The following LIMK1 variants were observed in gnomAD, a reference collection of about 807,000 sequenced individuals.
The protein encoded by LIMK1 is LIM domain kinase 1, also known as LIM motif-containing protein kinase.
Under a neutral mutation model 77.6 loss-of-function variants are expected in LIMK1, and 21 were observed. That is an observed-to-expected ratio of 0.27 (90% CI 0.19 to 0.39). The LOEUF is 0.39. Ranked by LOEUF, LIMK1 falls within the 10% of genes least tolerant of loss-of-function variation. The pLI is 1.00. For synonymous variants in LIMK1, 358 were observed against 370.0 expected (o/e 0.97, Z 0.37); for missense variants, 696 against 901.6 (o/e 0.77, Z 2.92).
At position 74,107,417 on chromosome 7, in the gene LIMK1, C is replaced by T. The variant is rs529371795; in HGVS notation, c.1065+224C>T. ...AGGTCATTGAAAGGTGGCTCCTAGCCAGGCACAGTAGTTTATCCCTGTAAT... is the reference window on the plus strand; with the variant it reads ...AGGTCATTGAAAGGTGGCTCCTAGCTAGGCACAGTAGTTTATCCCTGTAAT... On this transcript the variant is annotated intron_variant, in intron 8 of 15. Transcript: ENST00000336180. Among the ~76,000 whole-genome samples the T allele has an allele frequency of 4.5e-4, 68 of 152,288 alleles. 1 individual carries two copies. In the South Asian group the frequency reaches 0.014, roughly 32 times the overall value.
intron 4 of LIMK1, 34 bp downstream of exon 4, chr7:74,097,223 G>A (rs782386508): frequency 2.9e-6 from 4 of 1,394,236 alleles, no homozygotes; most frequent in Non-Finnish European, 4.0e-6. Flanking sequence ...AGCCTAGGAG[G>A]CCCACCTGTG....
At chr7:74,086,077 G>T (rs1269934620) in intron 2 of LIMK1, among the ~76,000 whole-genome samples, 3 of 151,932 alleles carry the variant, frequency 2.0e-5, no homozygotes, top group Non-Finnish European at 4.4e-5. Flanking sequence ...ACGGAGTCTC[G>T]CTCTGTCACC....
At position 74,121,149 on chromosome 7, in the gene LIMK1, G is replaced by A. The variant is rs1799929496; in HGVS notation, c.1792G>A (p.Val598Met). ...DLDPEKRPSF[V>M]KLEHWLETLR... ...CCACCTGTCACCCAGGCCATCCTTT[G>A]TGAAGCTGGAACACTGGCTGGAGAC... The change falls in exon 16 of 16, where the codon GTG becomes ATG. Residue 598 changes from valine (V) to methionine (M), a missense_variant. Transcript: ENST00000336180. 6.2e-7 allele frequency: 1 copy of A among 1,613,458 alleles called. No individual in the cohort carries two copies.
chr7:74,112,605 A>T (rs1169462420), intron 12 of LIMK1, among the ~76,000 whole-genome samples: 1 of 152,096 alleles, frequency 6.6e-6, no homozygotes, highest in African/African-American at 2.4e-5. Flanking sequence ...ACTTGAAGCC[A>T]GGAGTTCAAG....
intron 12 of LIMK1, among the ~76,000 whole-genome samples, chr7:74,113,283 T>C (rs1223175041): frequency 6.6e-6 from 1 of 151,402 alleles, no homozygotes; most frequent in Non-Finnish European, 1.5e-5. Context: ...AAGATTGTGC[T>C]ACTCTACTCC....
rs1045449325 is a variant in LIMK1, at chr7:74,085,850, G to A, written c.152+6G>A. 13 of 1,548,638 alleles carry A rather than the reference G, an allele frequency of 8.4e-6. No homozygotes were observed. The African/African-American group carries it at 1.1e-4, about 13-fold the overall frequency. Reference sequence around the variant, plus strand: ...TGGCACGCAGACTGCTTCAGGTAGGGTGGGGTGCCCAGGGCCTGTGTTGCC... The same window carrying A: ...TGGCACGCAGACTGCTTCAGGTAGGATGGGGTGCCCAGGGCCTGTGTTGCC... On this transcript the variant is annotated splice_donor_region_variant and intron_variant, in intron 2 of 15. Coordinates refer to ENST00000336180, the MANE Select transcript of LIMK1 (RefSeq NM_002314.4).
Position 74,085,781 on chromosome 7 carries a change from A to G in LIMK1, c.89A>G (p.Gln30Arg), listed in dbSNP as rs1554693977. Residue 30 changes from glutamine to arginine, a missense_variant, in exon 2 of 16, where the codon CAG (glutamine) becomes CGG (arginine). By Grantham distance (43) the Gln-to-Arg change is conservative (BLOSUM62 1). Transcript: ENST00000336180. ...SELPVCASCG[Q>R]RIYDGQYLQA... ...TTGCCCGTGTGTGCAAGCTGCGGCC[A>G]GAGGATCTATGATGGCCAGTACCTC... 1.3e-6 allele frequency: 2 copies of G among 1,563,584 alleles called. No individual in the cohort carries two copies. Among genetic ancestry groups the G allele is most frequent in the Non-Finnish European group, 1.7e-6 (2 of 1,153,426 alleles).
intron 12 of LIMK1, 131 bp downstream of exon 12, chr7:74,112,129 G>A (rs116217334): frequency 3.9e-5 from 29 of 735,330 alleles, no homozygotes; most frequent in Non-Finnish European, 6.1e-5. Flanking sequence ...AGGTGGGGGT[G>A]GGGGGCAGCA....
intron 2 of LIMK1, among the ~76,000 whole-genome samples, chr7:74,092,162 C>G (rs1205312453): frequency 1.3e-5 from 2 of 151,880 alleles, no homozygotes; most frequent in African/African-American, 4.8e-5. Flanking sequence ...GACGGGGTTT[C>G]ACCATGTTAG....
intron 5 of LIMK1, 94 bp downstream of exon 5, chr7:74,099,332 G>C (rs961541559): frequency 2.3e-6 from 3 of 1,277,058 alleles, no homozygotes; most frequent in Non-Finnish European, 3.3e-6. Context: ...AAAATGAATG[G>C]GCGAGTGTTT....
chr7:74,116,890 A>T (rs1414774791), intron 13 of LIMK1, among the ~76,000 whole-genome samples: 7 of 147,930 alleles, frequency 4.7e-5, no homozygotes, highest in East Asian at 3.9e-4. Context: ...TTTATTTTTT[A>T]TTTTTTTTTG....
In LIMK1 at chr7:74,085,756, T is replaced by G. The variant is rs1799124069; in HGVS notation, c.64T>G (p.Leu22Val). 6.4e-7 allele frequency: 1 copy of G among 1,557,350 alleles called. No individual in the cohort carries two copies. The highest frequency in any genetic ancestry group is 2.4e-5 in the East Asian group (1 of 41,568). ...CCCTTCCCACCCTGCAGGAAGCGAG[T>G]TGCCCGTGTGTGCAAGCTGCGGCCA... ...EERMGEEGSE[L>V]PVCASCGQRI... is the part of the protein sequence containing the mutation. The change falls in exon 2 of 16, where the codon TTG becomes GTG. Residue 22 changes from leucine to valine, a missense_variant. Leu to Val is a conservative substitution (Grantham distance 32). Coordinates refer to ENST00000336180, the MANE Select transcript of LIMK1 (RefSeq NM_002314.4).
At position 74,112,058 on chromosome 7, in the gene LIMK1, C is replaced by T. The variant is rs1799710914; in HGVS notation, c.1410+60C>T. The stretch of plus-strand genomic sequence containing the variant: ...GAGACAGCAGGAGCCCATCCAACCC[C>T]AGCCTCAGGGCCTTCCCAGAACTGG... On this transcript the variant is annotated intron_variant, in intron 12 of 15. Coordinates refer to ENST00000336180, the MANE Select transcript of LIMK1 (RefSeq NM_002314.4). The T allele has an allele frequency of 2.2e-6, 3 of 1,353,432 alleles. No individual in the cohort carries two copies. In the South Asian group the frequency reaches 3.9e-5, roughly 18 times the overall value. The allele number at this position is 1,353,432 out of a possible 1,614,324, so 83.8% of individuals were successfully genotyped here. A position where few individuals can be genotyped will look rare whatever the true frequency, so the allele number is the denominator to read the frequency against.
intron 14 of LIMK1, 36 bp from the exon 15 acceptor site, chr7:74,120,856 C>T: frequency 1.2e-6 from 2 of 1,612,664 alleles, no homozygotes; most frequent in Non-Finnish European, 1.7e-6. Flanking sequence ...AGGCTGAGGG[C>T]CCCCTGGAGT....
intron 10 of LIMK1, 192 bp from the exon 11 acceptor site, chr7:74,111,456 A>G: frequency 1.7e-6 from 1 of 588,182 alleles, no homozygotes. Flanking sequence ...AAAAAAAGGA[A>G]ATAATGTCTG....
rs141152379 is a variant in LIMK1 at position 74,085,752 on chromosome 7, C to A, written c.60C>A (p.Ser20Arg). Residue 20 changes from serine (S) to arginine (R), a missense_variant, in exon 2 of 16, where the codon AGC becomes AGA. Ser to Arg is a moderately radical substitution (Grantham distance 110). Coordinates refer to ENST00000336180, the MANE Select transcript of LIMK1 (RefSeq NM_002314.4). ...AACTCCCTTCCCACCCTGCAGGAAG[C>A]GAGTTGCCCGTGTGTGCAAGCTGCG... ...WREERMGEEG[S>R]ELPVCASCGQ... 2.6e-6 allele frequency: 4 copies of A among 1,555,668 alleles called. No individual in the cohort carries two copies. The highest frequency in any genetic ancestry group is 3.5e-6 in the Non-Finnish European group (4 of 1,149,354).
At chr7:74,101,064 C>T (rs1403342619) in intron 5 of LIMK1, among the ~76,000 whole-genome samples, 3 of 152,214 alleles carry the variant, frequency 2.0e-5, no homozygotes, top group Non-Finnish European at 2.9e-5. Flanking sequence ...TCATTTGACG[C>T]AGTGAATGTT....
chr7:74,097,163 G>T lies in LIMK1; in HGVS notation c.375G>T (p.Thr125=), dbSNP rs782070319. 1 of 1,612,136 alleles carries T rather than the reference G, an allele frequency of 6.2e-7. No homozygotes were observed. Among genetic ancestry groups the T allele is most frequent in the Non-Finnish European group, 8.5e-7 (1 of 1,179,448 alleles). ...TTATCGGTGACGGGGACACCTACAC[G>T]CTGGTGGAGCACTCCAAGCTGTACT... ...GTFIGDGDTY[T]LVEHSKLYCG... is the part of the protein sequence containing the mutation. Residue 125 remains threonine (T), a synonymous_variant, in exon 4 of 16, where the codon ACG becomes ACT. Coordinates refer to ENST00000336180, the MANE Select transcript of LIMK1 (RefSeq NM_002314.4).
At position 74,083,959 on chromosome 7, in the gene LIMK1, A is replaced by C. The variant is rs533969079; in HGVS notation, c.-32A>C. 6 of 1,032,242 alleles carry C rather than the reference A, an allele frequency of 5.8e-6. No homozygotes were observed. The highest frequency in any genetic ancestry group is 6.4e-6 in the Non-Finnish European group (5 of 784,892). The allele number at this position is 1,032,242 out of a possible 1,614,324, so 63.9% of individuals were successfully genotyped here. The stretch of plus-strand genomic sequence containing the variant: ...CGCGGGCCCGGCCGCCCCCAGCCCC[A>C]GCCCCGCCGGGCCCCGCCCCCCGTC... On this transcript the variant is annotated 5_prime_UTR_variant, in exon 1 of 16. Transcript: ENST00000336180.
Sources: allele counts gnomAD v4.1 joint callset (sites outside exome capture counted in the v4.1 genomes callset), GRCh38; gene constraint gnomAD v4.1.1; transcripts MANE v1.5; gene names NCBI Gene and HGNC (gene_info 2026-07-23, HGNC 2026-07-21).